The following TGFBR3 variants were observed in gnomAD, a reference collection of about 807,000 sequenced individuals.
TGFBR3 encodes transforming growth factor beta receptor type 3.
In TGFBR3, 46 loss-of-function variants were observed where a neutral mutation model predicts 87.9. The observed-to-expected ratio is 0.52, with a 90% CI of 0.41 to 0.67. The LOEUF is 0.67. Among genes scored for constraint, TGFBR3 ranks in the 30% least tolerant of loss-of-function variants. The probability of loss-of-function intolerance (pLI) is 0.00; values close to 1 mark genes in which losing one functional copy is unlikely to be tolerated. For synonymous variants in TGFBR3, 381 were observed against 391.6 expected, an observed-to-expected ratio of 0.97 and a Z score of 0.32; for missense variants, 866 against 1,041.9, an observed-to-expected ratio of 0.83 and a Z score of 2.32.
intron 7 of TGFBR3, among the ~76,000 whole-genome samples, chr1:91,724,003 A>C (rs1014955562): frequency 8.1e-4 from 123 of 152,346 alleles, no homozygotes; most frequent in African/African-American, 2.9e-3. Flanking sequence ...ATTTCAACTC[A>C]AATCTTAAAG....
At position 91,886,140 on chromosome 1, in the gene TGFBR3, A is replaced by G. The variant is rs1679299286; in HGVS notation, c.-376T>C. 7 of 453,896 alleles carry G rather than the reference A, an allele frequency of 1.5e-5. 1 individual carries two copies. Among genetic ancestry groups the G allele is most frequent in the South Asian group, 1.1e-4 (7 of 64,480 alleles). The allele number at this position is 453,896 out of a possible 1,614,324, so 28.1% of individuals were successfully genotyped here. A position where few individuals can be genotyped will look rare whatever the true frequency, so the allele number is the denominator to read the frequency against. ...AGGAAAGTGCCGCTCGGCGTCCCCG[A>G]AACCCTCGATTACCCCCATCAGGCC... On this transcript the variant is annotated 5_prime_UTR_variant, in exon 1 of 17. Coordinates refer to ENST00000212355, the MANE Select transcript of TGFBR3 (RefSeq NM_003243.5).
At chr1:91,708,576 T>A in intron 14 of TGFBR3, 87 bp downstream of exon 14, 1 of 1,602,134 alleles carries the variant, frequency 6.2e-7, no homozygotes, top group Non-Finnish European at 8.5e-7. Context: ...ATCTTGTGAA[T>A]AAAGCTGGAC....
chr1:91,680,963 A>G lies in TGFBR3; in HGVS notation c.*2776T>C, dbSNP rs1557651757. On this transcript the variant is annotated 3_prime_UTR_variant, in exon 17 of 17. Transcript: ENST00000212355. ...AACAGCTGGTAAACACCACATGGTG[A>G]AAAGCTATAGCGTATTATACAGACA... 1 of 454,162 alleles carries G rather than the reference A, an allele frequency of 2.2e-6. No homozygotes were observed. The highest frequency in any genetic ancestry group is 6.9e-5 in the East Asian group (1 of 14,398). The allele number at this position is 454,162 out of a possible 1,614,324, so 28.1% of individuals were successfully genotyped here.
chr1:91,895,205 G>A (rs910272349), intron 2 of TGFBR3, among the ~76,000 whole-genome samples: 3 of 152,166 alleles, frequency 2.0e-5, no homozygotes, highest in African/African-American at 4.8e-5. Flanking sequence ...TCATGAAGGC[G>A]AATTTCTCAT....
chr1:91,785,946 TA>T (rs1674941188), intron 3 of TGFBR3, among the ~76,000 whole-genome samples: 1 of 152,006 alleles, frequency 6.6e-6, no homozygotes, highest in South Asian at 2.1e-4. Flanking sequence ...GTATTTTTGA[TA>T]GAAACAGGGT....
intron 4 of TGFBR3, among the ~76,000 whole-genome samples, chr1:91,745,684 C>T (rs1233809269): frequency 6.6e-6 from 1 of 152,190 alleles, no homozygotes; most frequent in Non-Finnish European, 1.5e-5. Context: ...CCTGGGAGGA[C>T]CCCACTTGCC....
At chr1:91,890,876 A>G (rs2101329573), upstream of TGFBR3, among the ~76,000 whole-genome samples, 1 of 150,466 alleles carries the variant, frequency 6.6e-6, no homozygotes, top group Non-Finnish European at 1.5e-5. Flanking sequence ...GACACCTTCT[A>G]CTCATAAAAA....
chr1:91,740,359 G>A (rs986751830), intron 4 of TGFBR3, among the ~76,000 whole-genome samples: 2 of 148,692 alleles, frequency 1.3e-5, no homozygotes, highest in African/African-American at 5.0e-5. Flanking sequence ...ACACCCAGCT[G>A]GGATTACAAT....
intron 12 of TGFBR3, among the ~76,000 whole-genome samples, chr1:91,715,471 T>C (rs959841788): frequency 6.6e-6 from 1 of 152,210 alleles, no homozygotes; most frequent in Non-Finnish European, 1.5e-5. Context: ...ATGAAGATAT[T>C]ATTAGCCTCC....
chr1:91,884,415 C>G (rs1398891996), intron 1 of TGFBR3, among the ~76,000 whole-genome samples: 1 of 152,072 alleles, frequency 6.6e-6, no homozygotes, highest in Non-Finnish European at 1.5e-5. Flanking sequence ...ATTGGGCACC[C>G]TCATAAGTAT....
chr1:91,700,146 C>G lies in TGFBR3; in HGVS notation c.2288-2016G>C, dbSNP rs565331610. On this transcript the variant is annotated intron_variant, in intron 14 of 16. Transcript: ENST00000212355. ...GTTGAGACAGGGATTGTATGAGCCA[C>G]AAATAAAAAATAATCACTATCTGGT... Among the ~76,000 whole-genome samples the G allele has an allele frequency of 9.9e-5, 15 of 152,242 alleles. No homozygotes were observed. In the South Asian group the frequency reaches 2.7e-3, roughly 27 times the overall value.
Position 91,680,491 on chromosome 1 carries a change from G to A in TGFBR3, c.*3248C>T, listed in dbSNP as rs1023602296. 8.8e-6 allele frequency: 4 copies of A among 453,814 alleles called. No individual in the cohort carries two copies. The highest frequency in any genetic ancestry group is 1.8e-5 in the Non-Finnish European group (4 of 226,788). The allele number at this position is 453,814 out of a possible 1,614,324, so 28.1% of individuals were successfully genotyped here. On this transcript the variant is annotated 3_prime_UTR_variant, in exon 17 of 17. Transcript: ENST00000212355. ...ACAGGGGTGTTCAAACTGGCCACAG[G>A]GATTTTAAGGGTACTCGTTTTACCC...
chr1:91,716,456 C>T (rs1672175620), intron 11 of TGFBR3, 62 bp from the exon 12 acceptor site: 1 of 1,613,954 alleles, frequency 6.2e-7, no homozygotes, highest in Non-Finnish European at 8.5e-7. Flanking sequence ...GGCCCTGTAG[C>T]TTCATGAGCT....
chr1:91,828,797 C>T (rs548579296), intron 2 of TGFBR3, among the ~76,000 whole-genome samples: 1 of 117,162 alleles, frequency 8.5e-6, no homozygotes, highest in African/African-American at 3.4e-5. Context: ...CACTGCAGTT[C>T]CAGGACCCTC....
chr1:91,724,786 T>G (rs1476699157), intron 7 of TGFBR3, among the ~76,000 whole-genome samples: 1 of 152,168 alleles, frequency 6.6e-6, no homozygotes, highest in Admixed American at 6.5e-5. Flanking sequence ...ACCACCATCT[T>G]TCCCAGCCAT....
intron 2 of TGFBR3, among the ~76,000 whole-genome samples, chr1:91,800,367 G>T (rs1675573258): frequency 7.0e-6 from 1 of 143,180 alleles, no homozygotes; most frequent in African/African-American, 2.7e-5. Context: ...TATAAAAGCA[G>T]TTGTGGTGGT....
intron 14 of TGFBR3, among the ~76,000 whole-genome samples, chr1:91,707,308 T>C (rs1159314921): frequency 2.0e-5 from 3 of 152,190 alleles, no homozygotes; most frequent in African/African-American, 4.8e-5. Context: ...AGGGAGCACA[T>C]TCATTCATAG....
chr1:91,809,502 G>A (rs545588472), intron 2 of TGFBR3, among the ~76,000 whole-genome samples: 5 of 152,164 alleles, frequency 3.3e-5, no homozygotes, highest in South Asian at 2.1e-4. Flanking sequence ...TTGAATCATC[G>A]CCTATAACCA....
Position 91,712,269 on chromosome 1 carries a change from C to T in TGFBR3, c.2140G>A (p.Glu714Lys). Residue 714 changes from glutamate (E) to lysine (K), a missense_variant, in exon 13 of 17, where the codon GAG (glutamate) becomes AAG (lysine). Physicochemically the swap from Glu to Lys is moderately conservative, Grantham distance 56. Coordinates refer to ENST00000212355, the MANE Select transcript of TGFBR3 (RefSeq NM_003243.5). ...QCELTLCTKM[E>K]KHPQKLPKCV... ...TTAGGCAACTTCTGGGGGTGCTTCT[C>T]CATCTTCGTACACAGCGTCAGCTCA... is the stretch of plus-strand genomic sequence containing the variant. 1 of 1,614,178 alleles carries T rather than the reference C, an allele frequency of 6.2e-7. No individual in the cohort carries two copies. Among genetic ancestry groups the T allele is most frequent in the Non-Finnish European group, 8.5e-7 (1 of 1,180,032 alleles).
Sources: allele counts gnomAD v4.1 joint callset (sites outside exome capture counted in the v4.1 genomes callset), GRCh38; gene constraint gnomAD v4.1.1; transcripts MANE v1.5; gene names NCBI Gene and HGNC (gene_info 2026-07-23, HGNC 2026-07-21).